SLC5A7: variants seen among roughly 807,000 people sequenced by gnomAD.
SLC5A7 encodes high affinity choline transporter 1.
In SLC5A7, 19 loss-of-function variants were observed where a neutral mutation model predicts 55.4. The observed-to-expected ratio is 0.34, with a 90% confidence interval of 0.24 to 0.50. The LOEUF is 0.50. Among genes scored for constraint, SLC5A7 ranks in the 20% least tolerant of loss-of-function variants. SLC5A7 has a pLI of 0.98. For synonymous variants in SLC5A7, 265 were observed against 263.7 expected (o/e 1.00, Z -0.05); for missense variants, 506 against 705.3 (o/e 0.72, Z 3.20).
chr2:107,998,808 G>T (rs1677775296), intron 5 of SLC5A7, among the ~76,000 whole-genome samples: 1 of 152,142 alleles, frequency 6.6e-6, no homozygotes, highest in Non-Finnish European at 1.5e-5. Flanking sequence ...CCTAACACTA[G>T]AGATCATGAT....
intron 1 of SLC5A7, 70 bp downstream of exon 1, chr2:107,986,833 G>C (rs955557460): frequency 1.3e-5 from 2 of 152,308 alleles, no homozygotes; most frequent in South Asian, 4.1e-4. Context: ...CACCGAGCCC[G>C]GGCGGTTTTA....
chr2:107,997,011 T>C (rs1284650244), intron 4 of SLC5A7, among the ~76,000 whole-genome samples: 1 of 152,180 alleles, frequency 6.6e-6, no homozygotes, highest in African/African-American at 2.4e-5. Flanking sequence ...CCTTAACCAT[T>C]TGTTAGCTAT....
intron 5 of SLC5A7, 112 bp downstream of exon 5, chr2:107,998,098 T>C (rs1677745160): frequency 5.8e-6 from 6 of 1,033,538 alleles, no homozygotes; most frequent in Non-Finnish European, 8.0e-6. Flanking sequence ...GAGTAATACA[T>C]ACTAAGTCAC....
intron 6 of SLC5A7, among the ~76,000 whole-genome samples, chr2:108,005,263 G>A (rs908564058): frequency 2.6e-5 from 4 of 152,140 alleles, no homozygotes; most frequent in Non-Finnish European, 5.9e-5. Context: ...GAAAGACCAT[G>A]CCTTATTCAT....
At chr2:108,001,652 G>A (rs1365351485) in intron 5 of SLC5A7, among the ~76,000 whole-genome samples, 6 of 130,874 alleles carry the variant, frequency 4.6e-5, no homozygotes, top group East Asian at 2.2e-4. Flanking sequence ...CAGCCTGGGC[G>A]ACAGAGCGAG....
intron 3 of SLC5A7, 77 bp from the exon 4 acceptor site, chr2:107,992,895 T>A: frequency 6.6e-7 from 1 of 1,518,708 alleles, no homozygotes; most frequent in Non-Finnish European, 9.0e-7. Flanking sequence ...GCATTTTCCT[T>A]GATAAATGGC....
Position 108,013,081 on chromosome 2 carries a change from G to A in SLC5A7, c.*2220G>A, listed in dbSNP as rs549484945. The stretch of plus-strand genomic sequence containing the variant: ...TCTCTCTACAGGTCTCTCTCTTTAC[G>A]TTGTACCATTCTGTTGGGCAACAAT... On this transcript the variant is annotated 3_prime_UTR_variant, in exon 9 of 9. Coordinates refer to ENST00000264047, the MANE Select transcript of SLC5A7 (RefSeq NM_021815.5). The A allele has an allele frequency of 3.3e-5, 5 of 151,914 alleles. No individual in the cohort carries two copies. The South Asian group carries it at 6.2e-4, about 19-fold the overall frequency. The allele number at this position is 151,914 out of a possible 1,614,324, so 9.4% of individuals were successfully genotyped here. A position where few individuals can be genotyped will look rare whatever the true frequency, so the allele number is the denominator to read the frequency against.
chr2:107,994,706 T>C (rs1677600636), intron 4 of SLC5A7, among the ~76,000 whole-genome samples: 1 of 152,192 alleles, frequency 6.6e-6, no homozygotes. Context: ...AAACTACACC[T>C]CCCTTTCCAC....
Position 108,004,108 on chromosome 2 carries a change from T to A in SLC5A7, c.742-1941T>A, listed in dbSNP as rs778161251. On this transcript the variant is annotated intron_variant, in intron 6 of 8. Coordinates refer to ENST00000264047, the MANE Select transcript of SLC5A7 (RefSeq NM_021815.5). ...ATGTTGGGATTAGAGTTTCAACATA[T>A]GAATTTTAGGAGGACAAATATTCAG... 4.2e-4 allele frequency among the ~76,000 whole-genome samples: 64 copies of A among 152,146 alleles called. 1 individual carries two copies. Among genetic ancestry groups the A allele is most frequent in the Non-Finnish European group, 1.3e-4 (9 of 68,032 alleles).
At chr2:108,005,719 G>A (rs1678084900) in intron 6 of SLC5A7, among the ~76,000 whole-genome samples, 1 of 152,082 alleles carries the variant, frequency 6.6e-6, no homozygotes, top group African/African-American at 2.4e-5. Context: ...GCACCTTCTT[G>A]CTGCCTCCTC....
At chr2:107,992,896 G>A in intron 3 of SLC5A7, 76 bp from the exon 4 acceptor site, 1 of 1,522,156 alleles carries the variant, frequency 6.6e-7, no homozygotes, top group Non-Finnish European at 8.9e-7. Flanking sequence ...CATTTTCCTT[G>A]ATAAATGGCA....
intron 2 of SLC5A7, among the ~76,000 whole-genome samples, chr2:107,989,476 T>G (rs1677366662): frequency 6.6e-6 from 1 of 152,236 alleles, no homozygotes; most frequent in African/African-American, 2.4e-5. Flanking sequence ...ACATTTTATC[T>G]TTGTTTAACT....
At chr2:107,995,470 A>AGTGTGTGTGTGTGT (rs57328827) in intron 4 of SLC5A7, among the ~76,000 whole-genome samples, 36 of 137,164 alleles carry the variant, frequency 2.6e-4, no homozygotes, top group African/African-American at 9.4e-4. Context: ...AGAGAGAGAG[A>AGTGTGTGTGTGTGT]GTGTGTGTGT....
rs192156525 is a variant in SLC5A7, at chr2:108,012,133, C to A, written c.*1272C>A. 3.3e-5 allele frequency: 5 copies of A among 152,504 alleles called. No individual in the cohort carries two copies. The East Asian group carries it at 9.7e-4, about 29-fold the overall frequency. 9.4% of individuals were successfully genotyped at this position (152,504 alleles called of 1,614,324 possible). A position where few individuals can be genotyped will look rare whatever the true frequency, so the allele number is the denominator to read the frequency against. ...ATTGGTCATTAAATACTATTTTGCT[C>A]CTTTTCTGGTGTTACACATACACAC... On this transcript the variant is annotated 3_prime_UTR_variant, in exon 9 of 9. Coordinates refer to ENST00000264047, the MANE Select transcript of SLC5A7 (RefSeq NM_021815.5).
chr2:107,992,821 A>G, intron 3 of SLC5A7, 151 bp from the exon 4 acceptor site: 1 of 663,052 alleles, frequency 1.5e-6, no homozygotes, highest in Non-Finnish European at 2.5e-6. Flanking sequence ...TAAACCTAAT[A>G]TTTATAGTAG....
chr2:107,997,249 T>A (rs1206659913), intron 4 of SLC5A7, among the ~76,000 whole-genome samples: 1 of 152,238 alleles, frequency 6.6e-6, no homozygotes, highest in Non-Finnish European at 1.5e-5. Flanking sequence ...TGTTTAGATA[T>A]GATGTGTAGA....
intron 5 of SLC5A7, 151 bp downstream of exon 5, chr2:107,998,137 A>G: frequency 1.3e-6 from 1 of 795,546 alleles, no homozygotes; most frequent in Non-Finnish European, 1.8e-6. Context: ...TTCTCCATAA[A>G]TTAATTAGAT....
chr2:108,001,387 A>C (rs994789010), intron 5 of SLC5A7, among the ~76,000 whole-genome samples: 1 of 152,186 alleles, frequency 6.6e-6, no homozygotes, highest in Admixed American at 6.5e-5. Flanking sequence ...AGAAATAGTC[A>C]ATGTGGCCGG....
chr2:108,007,559 A>G (rs1222921873), intron 7 of SLC5A7, among the ~76,000 whole-genome samples: 1 of 151,854 alleles, frequency 6.6e-6, no homozygotes, highest in Admixed American at 6.6e-5. Context: ...CATTAAGCCT[A>G]TTTTTTCTTG....
Sources: allele counts gnomAD v4.1 joint callset (sites outside exome capture counted in the v4.1 genomes callset), GRCh38; gene constraint gnomAD v4.1.1; transcripts MANE v1.5; gene names NCBI Gene and HGNC (gene_info 2026-07-23, HGNC 2026-07-21).